Variants in CCT5 observed in about 807,000 individuals in gnomAD.
CCT5 encodes chaperonin containing TCP1 subunit 5, also known as T-complex protein 1 subunit epsilon.
Under a neutral mutation model 55.0 loss-of-function variants are expected in CCT5, and 6 were observed. That is an observed-to-expected ratio of 0.11 (90% confidence interval 0.06 to 0.22). CCT5 has a LOEUF of 0.22. CCT5 is among the 10% of genes least tolerant of loss of function. The pLI is 1.00. For missense variants in CCT5, 560 were observed against 694.6 expected (o/e 0.81, Z 2.18); for synonymous variants, 231 against 243.7 (o/e 0.95, Z 0.49).
intron 4 of CCT5, chr5:10,257,807 T>C: frequency 2.4e-6 from 1 of 423,056 alleles, no homozygotes; most frequent in Non-Finnish European, 4.4e-6. Flanking sequence ...AGACCTTAAT[T>C]CATGCCAGAC....
Position 10,258,164 on chromosome 5 carries a change from C to T in CCT5, c.584C>T (p.Thr195Ile), listed in dbSNP as rs1402526047. ...MAEIAVNAVL[T>I]VADMERRDVD... Reference sequence around the variant, plus strand: ...GAGATTGCTGTGAATGCCGTCCTCACTGTAGCAGATATGGAGCGGAGAGAC... The same window carrying T: ...GAGATTGCTGTGAATGCCGTCCTCATTGTAGCAGATATGGAGCGGAGAGAC... Residue 195 changes from threonine to isoleucine, a missense_variant, in exon 5 of 11, where the codon ACT becomes ATT. By Grantham distance (89) the Thr-to-Ile change is moderately conservative (BLOSUM62 -1). Coordinates refer to ENST00000280326, the MANE Select transcript of CCT5 (RefSeq NM_012073.5). The T allele has an allele frequency of 1.5e-5, 24 of 1,614,186 alleles. No individual in the cohort carries two copies. Among genetic ancestry groups the T allele is most frequent in the Non-Finnish European group, 1.9e-5 (23 of 1,180,040 alleles).
At chr5:10,261,329 G>A (rs1021966553) in intron 7 of CCT5, 15 of 574,064 alleles carry the variant, frequency 2.6e-5, no homozygotes, top group East Asian at 9.3e-5. Flanking sequence ...GGGGACGGGC[G>A]CCGGGTGATA....
chr5:10,255,036 T>G, intron 3 of CCT5, 198 bp downstream of exon 3: 1 of 599,804 alleles, frequency 1.7e-6, no homozygotes, highest in Non-Finnish European at 3.0e-6. Context: ...GGCTGGGGAT[T>G]GTTAGGCATG....
rs1382704683 is a variant in CCT5 at position 10,264,822 on chromosome 5, G to C, written c.*39G>C. 1 of 1,609,980 alleles carries C rather than the reference G, an allele frequency of 6.2e-7. No homozygotes were observed. The highest frequency in any genetic ancestry group is 1.7e-5 in the Admixed American group (1 of 60,012). On this transcript the variant is annotated 3_prime_UTR_variant, in exon 11 of 11. Transcript: ENST00000280326. ...ACTATGTAGCAAGATCCACTTCTGT[G>C]ATTAAGTAAATGGATGTCTCGTGAT...
Position 10,264,804 on chromosome 5 carries a change from A to C in CCT5, c.*21A>C. ...AATGAAGACATTGAGAAAACTATGT[A>C]GCAAGATCCACTTCTGTGATTAAGT... On this transcript the variant is annotated 3_prime_UTR_variant, in exon 11 of 11. Coordinates refer to ENST00000280326, the MANE Select transcript of CCT5 (RefSeq NM_012073.5). The C allele has an allele frequency of 6.2e-7, 1 of 1,610,966 alleles. No homozygotes were observed. Among genetic ancestry groups the C allele is most frequent in the Non-Finnish European group, 8.5e-7 (1 of 1,177,164 alleles).
In CCT5 at chr5:10,254,181, A is replaced by C. The variant is rs778660679; in HGVS notation, c.142A>C (p.Met48Leu). The stretch of plus-strand genomic sequence containing the variant: ...GGCAGCAAAGGCTGTAGCAAATACA[A>C]TGAGAACATCACTTGGACCAAATGG... Reference protein sequence around the residue: ...IMAAKAVANTMRTSLGPNGLD... With the variant: ...IMAAKAVANTLRTSLGPNGLD... Residue 48 changes from methionine (M) to leucine (L), a missense_variant, in exon 2 of 11, where the codon ATG becomes CTG. Physicochemically the swap from Met to Leu is conservative, Grantham distance 15. Around this residue, in one of 4 missense-constraint regions of CCT5, gnomAD observed 137 missense variants for 181.9 expected, o/e 0.75. Coordinates refer to ENST00000280326, the MANE Select transcript of CCT5 (RefSeq NM_012073.5). 1 of 1,609,818 alleles carries C rather than the reference A, an allele frequency of 6.2e-7. No homozygotes were observed. The highest frequency in any genetic ancestry group is 8.5e-7 in the Non-Finnish European group (1 of 1,176,260).
At chr5:10,257,488 C>T (rs553443415) in intron 4 of CCT5, among the ~76,000 whole-genome samples, 2 of 152,298 alleles carry the variant, frequency 1.3e-5, no homozygotes, top group African/African-American at 4.8e-5. Context: ...TATAGATAAC[C>T]TGTGATTTCA....
At chr5:10,256,814 T>G (rs1745706654) in intron 4 of CCT5, among the ~76,000 whole-genome samples, 1 of 152,210 alleles carries the variant, frequency 6.6e-6, no homozygotes, top group Admixed American at 6.5e-5. Flanking sequence ...TTCAGCAAAT[T>G]GCCGATCCAA....
In CCT5 at chr5:10,262,293, G is replaced by A. The variant is rs2244733; in HGVS notation, c.1180-188G>A. The A allele has an allele frequency of 0.8, 520,896 of 648,004 alleles. 213,990 individuals carry two copies. Among genetic ancestry groups the A allele is most frequent in the East Asian group, 0.89 (30,758 of 34,554 alleles). 40.1% of individuals were successfully genotyped at this position (648,004 alleles called of 1,614,324 possible). The stretch of plus-strand genomic sequence containing the variant: ...TGTATCCTAGAATGAGTCACTGGCC[G>A]CCTCTGCCTCTTGAATTTTGTTAAC... On this transcript the variant is annotated intron_variant, in intron 8 of 10. Transcript: ENST00000280326.
chr5:10,254,115 A>G, intron 1 of CCT5, 30 bp from the exon 2 acceptor site: 1 of 1,469,406 alleles, frequency 6.8e-7, no homozygotes, highest in Non-Finnish European at 9.5e-7. Flanking sequence ...TATATGTAAC[A>G]GTGTTTGCTT....
At chr5:10,251,740 T>C (rs7721707) in intron 1 of CCT5, among the ~76,000 whole-genome samples, 7,287 of 152,258 alleles carry the variant, frequency 0.048, 240 homozygotes, top group African/African-American at 0.091. Context: ...GCACTCAGTA[T>C]TTGTTTCCTT....
At chr5:10,261,474 A>G in intron 7 of CCT5, 86 bp from the exon 8 acceptor site, 3 of 1,315,456 alleles carry the variant, frequency 2.3e-6, no homozygotes, top group Non-Finnish European at 3.3e-6. Flanking sequence ...TTGGTCTTAG[A>G]TCAAGTTTTG....
chr5:10,258,226 G>A lies in CCT5; in HGVS notation c.646G>A (p.Gly216Ser). Residue 216 changes from glycine (G) to serine (S), a missense_variant, in exon 5 of 11, where the codon GGC becomes AGC. Gly to Ser is a moderately conservative substitution (Grantham distance 56). This residue lies in a region of CCT5 where 256 missense variants were observed against 372.4 expected (regional missense o/e 0.69). Coordinates refer to ENST00000280326, the MANE Select transcript of CCT5 (RefSeq NM_012073.5). Reference sequence around the variant, plus strand: ...GCTTATCAAAGTAGAAGGCAAAGTGGGCGGCAGGCTGGAGGACACTAAACT... The same window carrying A: ...GCTTATCAAAGTAGAAGGCAAAGTGAGCGGCAGGCTGGAGGACACTAAACT... ...FELIKVEGKV[G>S]GRLEDTKLIK... 1 of 1,614,210 alleles carries A rather than the reference G, an allele frequency of 6.2e-7. No individual in the cohort carries two copies. The highest frequency in any genetic ancestry group is 8.5e-7 in the Non-Finnish European group (1 of 1,180,032).
At chr5:10,251,422 A>G (rs1745405353) in intron 1 of CCT5, among the ~76,000 whole-genome samples, 2 of 152,224 alleles carry the variant, frequency 1.3e-5, no homozygotes, top group Admixed American at 1.3e-4. Flanking sequence ...AGACGTTGAC[A>G]GAAAATGCAG....
chr5:10,249,938 G>C, upstream of CCT5: 5 of 523,580 alleles, frequency 9.5e-6, no homozygotes, highest in Non-Finnish European at 1.2e-5. Flanking sequence ...AAAAAAACCG[G>C]AAATGGGTCC....
chr5:10,264,564 G>C (rs991311675), intron 10 of CCT5, 92 bp from the exon 11 acceptor site: 7 of 884,066 alleles, frequency 7.9e-6, no homozygotes, highest in Admixed American at 1.7e-5. Flanking sequence ...TATTTCTTAA[G>C]TCTTACTGTG....
Position 10,256,043 on chromosome 5 carries a change from T to C in CCT5, c.420T>C (p.Ala140=). 6.2e-7 allele frequency: 1 copy of C among 1,614,146 alleles called. No homozygotes were observed. The change falls in exon 4 of 11, where the codon GCT becomes GCC. Residue 140 remains alanine (A), a synonymous_variant. Transcript: ENST00000280326. ...PIRIADGYEQ[A]ARVAIEHLDK... ...GAATAGCCGATGGCTATGAGCAGGC[T>C]GCTCGTGTTGCTATTGAACACCTGG...
In CCT5 at chr5:10,256,780, A is replaced by C. The variant is rs1487055462; in HGVS notation, c.530+627A>C. On this transcript the variant is annotated intron_variant, in intron 4 of 10. Transcript: ENST00000280326. ...TCTATAATTTCTTTGCTGGGGAGCC[A>C]TTGGGGGTGGGTTCCACTTTTTATT... Among the ~76,000 whole-genome samples the C allele has an allele frequency of 2.6e-5, 4 of 151,830 alleles. No individual in the cohort carries two copies. In the East Asian group the frequency reaches 7.7e-4, roughly 29 times the overall value.
chr5:10,259,071 A>G (rs144894338), intron 6 of CCT5, among the ~76,000 whole-genome samples: 2 of 152,356 alleles, frequency 1.3e-5, no homozygotes, highest in East Asian at 1.9e-4. Context: ...TGTACATATT[A>G]TATTTGCCGT....
Sources: gnomAD v4.1 joint callset for allele counts (sites outside exome capture counted in the v4.1 genomes callset) on GRCh38, gnomAD v4.1.1 for gene constraint, gnomAD v4.1.1 regional missense constraint, MANE v1.5 for transcripts, NCBI Gene and HGNC (gene_info 2026-07-23, HGNC 2026-07-21) for gene names.